The following NECTIN3 variants were observed in gnomAD, a reference collection of about 807,000 sequenced individuals.
NECTIN3 encodes nectin cell adhesion molecule 3.
A neutral mutation model predicts 49.4 loss-of-function variants in NECTIN3; 8 were observed. The ratio of observed to expected loss-of-function variants is 0.16; its 90% CI spans 0.10 to 0.29. The LOEUF (loss-of-function observed/expected upper bound fraction) is 0.29, where lower values mean the gene tolerates loss of function less well. Among genes scored for constraint, NECTIN3 ranks in the 10% least tolerant of loss-of-function variants. NECTIN3 has a pLI of 1.00. For missense variants in NECTIN3, 581 were observed against 654.6 expected, an observed-to-expected ratio of 0.89 and a Z score of 1.23; for synonymous variants, 277 against 241.1, an observed-to-expected ratio of 1.15 and a Z score of -1.38.
rs1047092163 is a variant in NECTIN3 at position 111,079,990 on chromosome 3, G to A, written c.160+7813G>A. Among the ~76,000 whole-genome samples the A allele has an allele frequency of 5.9e-5, 9 of 151,834 alleles. 1 individual carries two copies. The highest frequency in any genetic ancestry group is 1.9e-4 in the African/African-American group (8 of 41,342). On this transcript the variant is annotated intron_variant, in intron 1 of 5. Transcript: ENST00000485303. The stretch of plus-strand genomic sequence containing the variant: ...TCAAGGTGTTGCATTGTTTATTGTT[G>A]TATACTAGTACAGTGCCAAAGGATT...
chr3:111,158,338 T>G (rs578240678), intron 7 of NECTIN3, among the ~76,000 whole-genome samples: 1 of 152,228 alleles, frequency 6.6e-6, no homozygotes, highest in South Asian at 2.1e-4. Context: ...GATTCCTAGT[T>G]TAAATTCATT....
At chr3:111,096,533 G>T (rs2032593031) in intron 1 of NECTIN3, among the ~76,000 whole-genome samples, 1 of 152,210 alleles carries the variant, frequency 6.6e-6, no homozygotes, top group Non-Finnish European at 1.5e-5. Context: ...TCCATGCCAT[G>T]TCAGAGACCT....
chr3:111,156,677 C>T (rs1168516520), intron 7 of NECTIN3, among the ~76,000 whole-genome samples: 1 of 152,104 alleles, frequency 6.6e-6, no homozygotes, highest in Non-Finnish European at 1.5e-5. Context: ...CCCAGTTTGC[C>T]TTGGCAACCT....
chr3:111,082,544 T>G (rs2031680964), intron 1 of NECTIN3, among the ~76,000 whole-genome samples: 2 of 152,104 alleles, frequency 1.3e-5, no homozygotes, highest in African/African-American at 4.8e-5. Flanking sequence ...ATGAATACAT[T>G]TAGTAGAGGT....
At chr3:111,082,919 C>A (rs759255890) in intron 1 of NECTIN3, among the ~76,000 whole-genome samples, 6 of 152,174 alleles carry the variant, frequency 3.9e-5, no homozygotes, top group Non-Finnish European at 8.8e-5. Context: ...GAGTGCACAA[C>A]ATAGATCCCC....
chr3:111,154,100 T>A (rs77153087), intron 7 of NECTIN3, among the ~76,000 whole-genome samples: 4,053 of 152,220 alleles, frequency 0.027, 124 homozygotes, highest in African/African-American at 0.078. Flanking sequence ...ATCACCACGA[T>A]CAAAATATTG....
At chr3:111,192,402 C>T in exon 1 of NECTIN3, 1 of 1,535,552 alleles carries the variant, frequency 6.5e-7, no homozygotes, top group Non-Finnish European at 8.7e-7. Flanking sequence ...AGTTGGCAAT[C>T]TTCAGCACTC....
intron 2 of NECTIN3, among the ~76,000 whole-genome samples, chr3:111,117,826 A>G (rs1352833664): frequency 6.6e-6 from 1 of 152,094 alleles, no homozygotes; most frequent in Non-Finnish European, 1.5e-5. Context: ...AAATGTGAAA[A>G]GATAGCTAAG....
At chr3:111,083,121 C>T (rs1056225709) in intron 1 of NECTIN3, among the ~76,000 whole-genome samples, 2 of 152,102 alleles carry the variant, frequency 1.3e-5, no homozygotes, top group Admixed American at 6.5e-5. Context: ...TTCTGCTGTG[C>T]GGTCCAGTTC....
chr3:111,170,863 A>C (rs1234897688), intron 7 of NECTIN3, among the ~76,000 whole-genome samples: 1 of 152,156 alleles, frequency 6.6e-6, no homozygotes, highest in Non-Finnish European at 1.5e-5. Flanking sequence ...TGGGCCTTGA[A>C]GAAGGTTCAG....
chr3:111,136,350 G>T lies in NECTIN3; in HGVS notation c.*2135G>T. ...ACATTGTGGTTATTTGTGCGATTAG[G>T]TTTTTTTGTTTGTTTCTTTTGTGTT... is the stretch of plus-strand genomic sequence containing the variant. On this transcript the variant is annotated 3_prime_UTR_variant, in exon 6 of 6. Coordinates refer to ENST00000485303, the MANE Select transcript of NECTIN3 (RefSeq NM_015480.3). 1.0e-6 allele frequency: 1 copy of T among 984,582 alleles called. No individual in the cohort carries two copies. The highest frequency in any genetic ancestry group is 4.7e-5 in the South Asian group (1 of 21,276). The allele number at this position is 984,582 out of a possible 1,614,324, so 61.0% of individuals were successfully genotyped here. A position where few individuals can be genotyped will look rare whatever the true frequency, so the allele number is the denominator to read the frequency against.
intron 5 of NECTIN3, among the ~76,000 whole-genome samples, chr3:111,143,649 A>G (rs1032652311): frequency 6.6e-6 from 1 of 151,934 alleles, no homozygotes; most frequent in Non-Finnish European, 1.5e-5. Context: ...GGGTCCCAAC[A>G]ATTATTGCAG....
At chr3:111,169,682 CCTAA>C (rs1412842009) in intron 7 of NECTIN3, among the ~76,000 whole-genome samples, 1 of 152,080 alleles carries the variant, frequency 6.6e-6, no homozygotes, top group Non-Finnish European at 1.5e-5. Context: ...CTATTTATCT[CCTAA>C]CTAACTCCTG....
intron 7 of NECTIN3, among the ~76,000 whole-genome samples, chr3:111,149,172 C>T (rs913448486): frequency 6.6e-6 from 1 of 152,008 alleles, no homozygotes; most frequent in Admixed American, 6.6e-5. Flanking sequence ...TGTTTCTGAA[C>T]TCTTAATTCT....
intron 7 of NECTIN3, among the ~76,000 whole-genome samples, chr3:111,173,836 A>T (rs1354750324): frequency 6.6e-6 from 1 of 151,794 alleles, no homozygotes; most frequent in East Asian, 1.9e-4. Context: ...GCTTCTGCAT[A>T]CTTGATTACA....
chr3:111,072,353 C>T (rs1285737742), intron 1 of NECTIN3, 176 bp downstream of exon 1: 21 of 1,469,740 alleles, frequency 1.4e-5, no homozygotes, highest in Non-Finnish European at 1.8e-5. Flanking sequence ...CCTGGAAGGG[C>T]CAGGCCAGCG....
chr3:111,097,862 A>C (rs1440223928), intron 1 of NECTIN3, among the ~76,000 whole-genome samples: 1 of 152,144 alleles, frequency 6.6e-6, no homozygotes, highest in East Asian at 1.9e-4. Flanking sequence ...GCAGCATGAA[A>C]ATGGACGAAT....
chr3:111,147,275 G>T, intron 6 of NECTIN3: 1 of 655,034 alleles, frequency 1.5e-6, no homozygotes, highest in Non-Finnish European at 2.5e-6. Context: ...AAGCAGGTAG[G>T]CTAGAGTAAA....
intron 4 of NECTIN3, among the ~76,000 whole-genome samples, chr3:111,123,094 C>T (rs892540523): frequency 3.3e-5 from 5 of 151,704 alleles, no homozygotes; most frequent in Admixed American, 6.6e-5. Flanking sequence ...TTTTTAAGAG[C>T]GTCTTCTCAT....
Sources: gnomAD v4.1 joint callset for allele counts (sites outside exome capture counted in the v4.1 genomes callset) on GRCh38, gnomAD v4.1.1 for gene constraint, MANE v1.5 for transcripts, NCBI Gene and HGNC (gene_info 2026-07-23, HGNC 2026-07-21) for gene names.